BTBD1: variants seen among roughly 807,000 people sequenced by gnomAD.
BTBD1 encodes the protein BTB/POZ domain-containing protein 1.
Under a neutral mutation model 48.0 loss-of-function variants are expected in BTBD1, and 34 were observed. That is an observed-to-expected ratio of 0.71 (90% CI 0.54 to 0.94). The LOEUF (loss-of-function observed/expected upper bound fraction) is 0.94. Ranked by LOEUF, BTBD1 falls within the 40% of genes least tolerant of loss-of-function variation. The pLI, the probability that BTBD1 is intolerant of heterozygous loss-of-function variation, is 0.00. For missense variants in BTBD1, 543 were observed against 625.6 expected, an observed-to-expected ratio of 0.87 and a Z score of 1.41; for synonymous variants, 261 against 242.1, an observed-to-expected ratio of 1.08 and a Z score of -0.72.
intron 4 of BTBD1, among the ~76,000 whole-genome samples, chr15:83,035,578 G>A (rs2032610328): frequency 6.6e-6 from 1 of 151,968 alleles, no homozygotes; most frequent in South Asian, 2.1e-4. Context: ...GGGGAAGGAT[G>A]CTGAGAGAAA....
At chr15:83,039,619 C>T (rs2032704075) in intron 4 of BTBD1, among the ~76,000 whole-genome samples, 1 of 151,746 alleles carries the variant, frequency 6.6e-6, no homozygotes, top group African/African-American at 2.4e-5. Context: ...CCAAAAAATA[C>T]AAAAATTAGC....
At chr15:83,053,476 A>G (rs2033029960) in intron 2 of BTBD1, among the ~76,000 whole-genome samples, 1 of 152,178 alleles carries the variant, frequency 6.6e-6, no homozygotes, top group African/African-American at 2.4e-5. Flanking sequence ...TGTCATCTGA[A>G]TGCCTGTTAG....
intron 1 of BTBD1, among the ~76,000 whole-genome samples, chr15:83,065,192 C>T (rs2033243654): frequency 6.6e-6 from 1 of 152,220 alleles, no homozygotes. Context: ...ATTTGCAATA[C>T]TTGAATGCTT....
intron 2 of BTBD1, among the ~76,000 whole-genome samples, chr15:83,051,352 A>G (rs574954055): frequency 2.0e-5 from 3 of 152,204 alleles, no homozygotes; most frequent in Admixed American, 2.0e-4. Context: ...AGTATTCAAT[A>G]ATTCAGATAC....
chr15:83,035,641 G>GT (rs1442628774), intron 4 of BTBD1, among the ~76,000 whole-genome samples: 1 of 151,810 alleles, frequency 6.6e-6, no homozygotes, highest in Non-Finnish European at 1.5e-5. Flanking sequence ...GACCTTCTAA[G>GT]TATCTCAAAA....
chr15:83,023,546 A>G (rs1214679245), intron 5 of BTBD1, among the ~76,000 whole-genome samples: 1 of 151,996 alleles, frequency 6.6e-6, no homozygotes, highest in African/African-American at 2.4e-5. Context: ...CATGCTGCTA[A>G]TTTTTTAAAA....
intron 4 of BTBD1, among the ~76,000 whole-genome samples, chr15:83,037,525 C>G (rs2032653541): frequency 6.6e-6 from 1 of 152,072 alleles, no homozygotes; most frequent in Admixed American, 6.5e-5. Context: ...AACTAGGCAT[C>G]AAAACAATAT....
chr15:83,066,424 T>TC (rs1288268299), intron 1 of BTBD1, among the ~76,000 whole-genome samples: 1 of 152,216 alleles, frequency 6.6e-6, no homozygotes, highest in Non-Finnish European at 1.5e-5. Flanking sequence ...GACAACCTGA[T>TC]CTGCCCCTCT....
chr15:83,030,511 T>C, intron 4 of BTBD1, 183 bp from the exon 5 acceptor site: 1 of 559,456 alleles, frequency 1.8e-6, no homozygotes, highest in Non-Finnish European at 3.1e-6. Context: ...GTTAAACACA[T>C]TAATTAAAAT....
intron 5 of BTBD1, among the ~76,000 whole-genome samples, chr15:83,025,959 C>T (rs940637145): frequency 6.6e-5 from 10 of 151,886 alleles, no homozygotes; most frequent in Admixed American, 1.3e-4. Context: ...TTAGTAGAGA[C>T]GGGGTTTCAC....
intron 4 of BTBD1, among the ~76,000 whole-genome samples, chr15:83,041,248 A>G (rs1267729937): frequency 6.6e-6 from 1 of 151,904 alleles, no homozygotes; most frequent in African/African-American, 2.4e-5. Flanking sequence ...TCTCTAACCT[A>G]TACAATGTGG....
chr15:83,053,306 A>G (rs2033026804), intron 2 of BTBD1, among the ~76,000 whole-genome samples: 1 of 152,210 alleles, frequency 6.6e-6, no homozygotes, highest in South Asian at 2.1e-4. Context: ...TAGCAGGAAC[A>G]AGAAGTTTCA....
rs1158352009 is a variant in BTBD1 at position 83,052,807 on chromosome 15, T to TG, written c.559-2630_559-2629insC. Among the ~76,000 whole-genome samples the TG allele has an allele frequency of 8.5e-3, 1,222 of 143,408 alleles. 16 individuals carry two copies. The highest frequency in any genetic ancestry group is 0.015 in the Non-Finnish European group (965 of 65,266). 94.1% of individuals were successfully genotyped at this position (143,408 alleles called of 152,430 possible). ...CACCTCGCCCGGCTAATTTTTTTTTTTTTTTTTTTTTTTTAGTAGAGACGG... is the reference window on the plus strand; with the variant it reads ...CACCTCGCCCGGCTAATTTTTTTTTTGTTTTTTTTTTTTTTAGTAGAGACGG... On this transcript the variant is annotated intron_variant, in intron 2 of 7. Transcript: ENST00000261721.
chr15:83,034,378 C>T (rs1362808875), intron 4 of BTBD1, among the ~76,000 whole-genome samples: 2 of 152,310 alleles, frequency 1.3e-5, no homozygotes, highest in South Asian at 4.1e-4. Flanking sequence ...TGTTGGGTGA[C>T]TGAGGCAAGC....
intron 4 of BTBD1, 72 bp downstream of exon 4, chr15:83,041,656 G>T: frequency 1.4e-6 from 2 of 1,432,034 alleles, no homozygotes; most frequent in Admixed American, 1.7e-5. Context: ...TTATAGGTGT[G>T]AGCCACCAGG....
intron 3 of BTBD1, among the ~76,000 whole-genome samples, chr15:83,042,416 T>G: frequency 7.0e-6 from 1 of 142,094 alleles, no homozygotes; most frequent in Non-Finnish European, 1.5e-5. Flanking sequence ...TAGAGTCTCA[T>G]TCTGTTGCTC....
At chr15:83,064,201 G>A (rs1387636132) in intron 1 of BTBD1, among the ~76,000 whole-genome samples, 1 of 152,156 alleles carries the variant, frequency 6.6e-6, no homozygotes, top group Non-Finnish European at 1.5e-5. Flanking sequence ...AACTTAGCAA[G>A]TACTATCAGG....
At chr15:83,065,639 T>C (rs1471452294) in intron 1 of BTBD1, among the ~76,000 whole-genome samples, 1 of 152,214 alleles carries the variant, frequency 6.6e-6, no homozygotes, top group East Asian at 1.9e-4. Context: ...ACCATCTTAG[T>C]ATAATGAAAC....
intron 2 of BTBD1, among the ~76,000 whole-genome samples, chr15:83,053,222 G>A (rs529126872): frequency 6.6e-6 from 1 of 152,146 alleles, no homozygotes; most frequent in South Asian, 2.1e-4. Flanking sequence ...ACAGTATACT[G>A]GCACTTTGCT....
Sources: gnomAD v4.1 joint callset for allele counts (sites outside exome capture counted in the v4.1 genomes callset) on GRCh38, gnomAD v4.1.1 for gene constraint, MANE v1.5 for transcripts, NCBI Gene and HGNC (gene_info 2026-07-23, HGNC 2026-07-21) for gene names.